Variants in MCMDC2 observed in about 807,000 individuals in gnomAD.
MCMDC2 encodes minichromosome maintenance domain containing 2.
Under a neutral mutation model 75.8 loss-of-function variants are expected in MCMDC2, and 54 were observed. The ratio of observed to expected loss-of-function variants is 0.71; its 90% CI spans 0.57 to 0.89. MCMDC2 has a LOEUF of 0.89. Among genes scored for constraint, MCMDC2 ranks in the 40% least tolerant of loss-of-function variants. The pLI, the probability that MCMDC2 is intolerant of heterozygous loss-of-function variation, is 0.00. For synonymous variants in MCMDC2, 249 were observed against 274.6 expected (o/e 0.91, Z 0.92); for missense variants, 656 against 780.4 (o/e 0.84, Z 1.90).
chr8:66,900,521 G>A lies in MCMDC2; in HGVS notation c.1627-685G>A, dbSNP rs1812607853. On this transcript the variant is annotated intron_variant, in intron 12 of 14. Transcript: ENST00000422365. ...TGTAGGTAGTGTCAGAAAAAAAACA[G>A]TAACCTTATTATAGTTAATTTTTCC... Among the ~76,000 whole-genome samples the A allele has an allele frequency of 3.3e-5, 5 of 151,994 alleles. No homozygotes were observed. In the South Asian group the frequency reaches 1.0e-3, roughly 32 times the overall value.
At chr8:66,901,554 T>G in intron 13 of MCMDC2, 1 of 1,252,784 alleles carries the variant, frequency 8.0e-7, no homozygotes, top group Non-Finnish European at 1.0e-6. Context: ...ATAATTTTTT[T>G]ACTAAACTGA....
chr8:66,894,738 A>C (rs533821873), intron 10 of MCMDC2, among the ~76,000 whole-genome samples: 82 of 152,276 alleles, frequency 5.4e-4, no homozygotes, highest in African/African-American at 1.9e-3. Flanking sequence ...CATTTTTTGT[A>C]ACAGTTTTAT....
Position 66,880,883 on chromosome 8 carries a change from A to C in MCMDC2, c.744A>C (p.Glu248Asp). ...TGAATAAAATGAATATAGGAAATGA[A>C]TATAAAATTATTGGAATTCCAACCT... The part of the protein sequence containing the change: ...ESVNKMNIGN[E>D]YKIIGIPTCV... The change falls in exon 8 of 15, where the codon GAA (glutamate) becomes GAC (aspartate). Residue 248 changes from glutamate to aspartate, a missense_variant. Coordinates refer to ENST00000422365, the MANE Select transcript of MCMDC2 (RefSeq NM_173518.5). 6.4e-7 allele frequency: 1 copy of C among 1,564,010 alleles called. No individual in the cohort carries two copies. Among genetic ancestry groups the C allele is most frequent in the Non-Finnish European group, 8.7e-7 (1 of 1,155,154 alleles).
chr8:66,911,948 T>C (rs1813139012), intron 14 of MCMDC2, among the ~76,000 whole-genome samples: 1 of 152,204 alleles, frequency 6.6e-6, no homozygotes, highest in African/African-American at 2.4e-5. Flanking sequence ...CTAACATGCA[T>C]TCTGCAGCCC....
chr8:66,871,307 C>T (rs1221084544), intron 1 of MCMDC2, among the ~76,000 whole-genome samples: 1 of 152,116 alleles, frequency 6.6e-6, no homozygotes, highest in Non-Finnish European at 1.5e-5. Flanking sequence ...CAGGATATCT[C>T]AAGGGAACTT....
At chr8:66,882,043 T>G (rs534574961) in intron 8 of MCMDC2, among the ~76,000 whole-genome samples, 2 of 152,280 alleles carry the variant, frequency 1.3e-5, no homozygotes, top group South Asian at 4.1e-4. Context: ...ATAGGGTGGT[T>G]TTACTGGTGA....
At chr8:66,915,108 T>C (rs1301024326) in intron 14 of MCMDC2, among the ~76,000 whole-genome samples, 1 of 151,956 alleles carries the variant, frequency 6.6e-6, no homozygotes. Context: ...AGCGAAAGGA[T>C]TGCTTGAGCC....
At position 66,883,997 on chromosome 8, in the gene MCMDC2, A is replaced by G. The variant is rs202177057; in HGVS notation, c.1073+3A>G. ...AGTGATACTCTACTCATAGACAGGT[A>G]TATATGTGACATGAATTTTTACAAA... is the stretch of plus-strand genomic sequence containing the variant. On this transcript the variant is annotated splice_donor_region_variant and intron_variant, in intron 9 of 14. Transcript: ENST00000422365. 2.4e-5 allele frequency: 38 copies of G among 1,572,508 alleles called. No individual in the cohort carries two copies. The highest frequency in any genetic ancestry group is 1.7e-4 in the Middle Eastern group (1 of 5,988).
chr8:66,912,549 T>A (rs1427700331), intron 14 of MCMDC2, among the ~76,000 whole-genome samples: 2 of 152,136 alleles, frequency 1.3e-5, no homozygotes, highest in African/African-American at 4.8e-5. Flanking sequence ...AGCCCATCAA[T>A]GACAGACTGG....
At chr8:66,897,437 A>G (rs948800749) in intron 12 of MCMDC2, among the ~76,000 whole-genome samples, 4 of 151,710 alleles carry the variant, frequency 2.6e-5, no homozygotes, top group African/African-American at 9.7e-5. Context: ...AAGAAAAAAG[A>G]AAGAAATTAT....
downstream of MCMDC2, among the ~76,000 whole-genome samples, chr8:66,925,855 G>A (rs892372976): frequency 9.2e-5 from 14 of 152,082 alleles, no homozygotes; most frequent in Non-Finnish European, 1.6e-4. Context: ...AGCAGAATAT[G>A]CCCTAAAAGG....
intron 1 of MCMDC2, among the ~76,000 whole-genome samples, chr8:66,871,782 G>T (rs1009536878): frequency 6.6e-6 from 1 of 151,816 alleles, no homozygotes; most frequent in South Asian, 2.1e-4. Flanking sequence ...GTGGTGGCAC[G>T]TGCCTATAGT....
In MCMDC2 at chr8:66,901,277, T is replaced by C. The variant is rs773131761; in HGVS notation, c.1698T>C (p.Tyr566=). ...LEAERMTHGY[Y]LASRRIRTGS... The stretch of plus-strand genomic sequence containing the variant: ...CAGAAAGAATGACCCATGGCTATTA[T>C]CTAGCAAGTCGCAGAATCAGAACAG... The change falls in exon 13 of 15, where the codon TAT becomes TAC. Residue 566 remains tyrosine, a synonymous_variant. Coordinates refer to ENST00000422365, the MANE Select transcript of MCMDC2 (RefSeq NM_173518.5). 3 of 1,614,122 alleles carry C rather than the reference T, an allele frequency of 1.9e-6. No homozygotes were observed. Among genetic ancestry groups the C allele is most frequent in the African/African-American group, 1.3e-5 (1 of 75,060 alleles).
At chr8:66,904,654 A>T (rs1812836873) in intron 13 of MCMDC2, among the ~76,000 whole-genome samples, 1 of 152,168 alleles carries the variant, frequency 6.6e-6, no homozygotes, top group African/African-American at 2.4e-5. Context: ...CTTGAAGGAG[A>T]TCTTTCAAGT....
intron 5 of MCMDC2, among the ~76,000 whole-genome samples, chr8:66,878,242 A>T (rs1369316062): frequency 6.6e-6 from 1 of 152,192 alleles, no homozygotes; most frequent in African/African-American, 2.4e-5. Flanking sequence ...AACACGCTGC[A>T]AATGAATACC....
chr8:66,924,781 G>A (rs2130885536), downstream of MCMDC2, among the ~76,000 whole-genome samples: 1 of 152,246 alleles, frequency 6.6e-6, no homozygotes, highest in Admixed American at 6.5e-5. Context: ...TAGCCTAAGG[G>A]CCTCCTATAC....
intron 10 of MCMDC2, among the ~76,000 whole-genome samples, chr8:66,894,342 A>G (rs950892892): frequency 6.6e-6 from 1 of 152,208 alleles, no homozygotes; most frequent in South Asian, 2.1e-4. Flanking sequence ...ACTCTTTCTT[A>G]CTTGGTTGCT....
downstream of MCMDC2, chr8:66,925,580 T>TGGCCCCGCCTCTTCCGGTACGC (rs1813696875): frequency 6.6e-6 from 1 of 152,140 alleles, no homozygotes; most frequent in Admixed American, 6.5e-5. Context: ...GGCACTCCGG[T>TGGCCCCGCCTCTTCCGGTACGC]GGCCCCGCCT....
intron 9 of MCMDC2, among the ~76,000 whole-genome samples, chr8:66,885,015 C>T (rs892156142): frequency 1.3e-5 from 2 of 152,126 alleles, no homozygotes; most frequent in African/African-American, 4.8e-5. Context: ...AAGCGATCCT[C>T]TCACCTCATT....
Sources: allele counts gnomAD v4.1 joint callset (sites outside exome capture counted in the v4.1 genomes callset), GRCh38; gene constraint gnomAD v4.1.1; transcripts MANE v1.5; gene names NCBI Gene and HGNC (gene_info 2026-07-23, HGNC 2026-07-21).